Variants in CAPN10 observed in about 807,000 individuals in gnomAD.
The protein encoded by CAPN10 is calpain 10, also known as calpain-10.
CAPN10 carries 71 observed loss-of-function variants against 78.4 expected under a neutral mutation model. The ratio of observed to expected loss-of-function variants is 0.91; its 90% confidence interval spans 0.75 to 1.10. CAPN10 has a LOEUF of 1.10. Among genes scored for constraint, CAPN10 ranks in the 50% least tolerant of loss-of-function variants. CAPN10 has a pLI of 0.00. For missense variants in CAPN10, 849 were observed against 924.6 expected, an observed-to-expected ratio of 0.92 and a Z score of 1.06; for synonymous variants, 437 against 407.2, an observed-to-expected ratio of 1.07 and a Z score of -0.88.
At chr2:240,595,991 T>G in intron 7 of CAPN10, 1 of 1,407,642 alleles carries the variant, frequency 7.1e-7, no homozygotes, top group Non-Finnish European at 9.5e-7. Flanking sequence ...GCCCACATGA[T>G]GTTCCTTTCC....
Position 240,592,045 on chromosome 2 carries a change from G to A in CAPN10, c.583G>A (p.Gly195Ser), listed in dbSNP as rs1193315741. Residue 195 changes from glycine (G) to serine (S), a missense_variant, in exon 4 of 12, where the codon GGC becomes AGC. By Grantham distance (56) the Gly-to-Ser change is moderately conservative. Transcript: ENST00000391984. ...WNLKGVAGSGGQQDRPGRWEH... is the reference protein window; with the variant it reads ...WNLKGVAGSGSQQDRPGRWEH... Reference sequence around the variant, plus strand: ...CCTGAAGGGCGTAGCAGGAAGCGGAGGCCAGCAGGACAGGCCAGGCCGCTG... The same window carrying A: ...CCTGAAGGGCGTAGCAGGAAGCGGAAGCCAGCAGGACAGGCCAGGCCGCTG... 1 of 1,612,332 alleles carries A rather than the reference G, an allele frequency of 6.2e-7. No homozygotes were observed.
Position 240,589,478 on chromosome 2 carries a change from CG to C in CAPN10, c.273+8del, listed in dbSNP as rs750375555. The C allele has an allele frequency of 1.2e-6, 2 of 1,609,506 alleles. No individual in the cohort carries two copies. Among genetic ancestry groups the C allele is most frequent in the African/African-American group, 2.7e-5 (2 of 74,752 alleles). On this transcript the variant is annotated splice_donor_5th_base_variant and intron_variant, in intron 2 of 11. Coordinates refer to ENST00000391984, the MANE Select transcript of CAPN10 (RefSeq NM_023083.4). ...GAGCAGGCACCTCCTGGACCAGGTGCGGGGCCCCTTCCCTGTGTTTGTCCTG... is the reference window on the plus strand; with the variant it reads ...GAGCAGGCACCTCCTGGACCAGGTGCGGGCCCCTTCCCTGTGTTTGTCCTG...
Position 240,598,739 on chromosome 2 carries a change from A to T in CAPN10, c.*59A>T. ...GAGCCCGAGGGCCTGACAGGTTCCC[A>T]GCAGCTGGGCCGGCCAGCCTTGCAC... On this transcript the variant is annotated 3_prime_UTR_variant, in exon 12 of 12. Transcript: ENST00000391984. 1 of 1,498,428 alleles carries T rather than the reference A, an allele frequency of 6.7e-7. No individual in the cohort carries two copies. The highest frequency in any genetic ancestry group is 9.1e-7 in the Non-Finnish European group (1 of 1,097,970). The allele number at this position is 1,498,428 out of a possible 1,614,324, so 92.8% of individuals were successfully genotyped here.
chr2:240,588,123 T>C (rs1398631495), intron 1 of CAPN10, among the ~76,000 whole-genome samples: 1 of 152,138 alleles, frequency 6.6e-6, no homozygotes, highest in African/African-American at 2.4e-5. Context: ...TCTGGGTTTC[T>C]GGCCTGAACA....
Position 240,589,489 on chromosome 2 carries a change from C to A in CAPN10, c.273+15C>A. On this transcript the variant is annotated intron_variant, in intron 2 of 11. Coordinates refer to ENST00000391984, the MANE Select transcript of CAPN10 (RefSeq NM_023083.4). The stretch of plus-strand genomic sequence containing the variant: ...TCCTGGACCAGGTGCGGGGCCCCTT[C>A]CCTGTGTTTGTCCTGGAGCCGGTTT... 6.2e-7 allele frequency: 1 copy of A among 1,603,716 alleles called. No individual in the cohort carries two copies. Among genetic ancestry groups the A allele is most frequent in the Non-Finnish European group, 8.5e-7 (1 of 1,175,764 alleles).
At position 240,595,274 on chromosome 2, in the gene CAPN10, C is replaced by G. The variant is rs2093129769; in HGVS notation, c.1248C>G (p.His416Gln). ...SWSPASIPGK[H>Q]YQAVGLHLWK... ...GCCCAGCGAGCATCCCGGGCAAGCA[C>G]TACCAGGCTGTGGGTCTGCACCTCT... The change falls in exon 7 of 12, where the codon CAC (histidine) becomes CAG (glutamine). Residue 416 changes from histidine to glutamine, a missense_variant. Coordinates refer to ENST00000391984, the MANE Select transcript of CAPN10 (RefSeq NM_023083.4). 1 of 1,613,566 alleles carries G rather than the reference C, an allele frequency of 6.2e-7. No individual in the cohort carries two copies. Among genetic ancestry groups the G allele is most frequent in the African/African-American group, 1.3e-5 (1 of 75,062 alleles).
rs139668112 is a variant in CAPN10 at position 240,591,997 on chromosome 2, G to A, written c.535G>A (p.Gly179Ser). 8.7e-5 allele frequency: 141 copies of A among 1,613,348 alleles called. 1 individual carries two copies. The highest frequency in any genetic ancestry group is 3.5e-4 in the Admixed American group (21 of 60,018). ...GGCGGATGCCCTGGTGGACCTGACC[G>A]GCGGCCTGGCAGAAAGATGGAACCT... The part of the protein sequence containing the change: ...QVADALVDLT[G>S]GLAERWNLKG... Residue 179 changes from glycine (G) to serine (S), a missense_variant, in exon 4 of 12, where the codon GGC becomes AGC. Coordinates refer to ENST00000391984, the MANE Select transcript of CAPN10 (RefSeq NM_023083.4).
rs2975766 is a variant in CAPN10 at position 240,598,657 on chromosome 2, A to G, written c.1996A>G (p.Ile666Val). 0.97 allele frequency: 1,536,076 copies of G among 1,579,140 alleles called. 747,191 individuals carry two copies. Among genetic ancestry groups the G allele is most frequent in the East Asian group, 1 (43,708 of 43,712 alleles). ...CCCCCATCTGTCTTTGCAGGTCTCC[A>G]TCATGGCAGTGATGAAAACCTAACA... ...MLGQFLQEVS[I>V]MAVMKT The change falls in exon 12 of 12, where the codon ATC becomes GTC. Residue 666 changes from isoleucine (I) to valine (V), a missense_variant. Coordinates refer to ENST00000391984, the MANE Select transcript of CAPN10 (RefSeq NM_023083.4).
Position 240,596,807 on chromosome 2 carries a change from C to T in CAPN10, c.1608C>T (p.Ala536=), listed in dbSNP as rs1393127691. ...CGGCGGGGGGCAGCAGGAACTTTGC[C>T]TCATACCCCACCAACCCCTGCTTCC... ...GQTAGGSRNF[A]SYPTNPCFPF... Residue 536 remains alanine (A), a synonymous_variant, in exon 9 of 12, where the codon GCC becomes GCT. Coordinates refer to ENST00000391984, the MANE Select transcript of CAPN10 (RefSeq NM_023083.4). 1 of 1,613,264 alleles carries T rather than the reference C, an allele frequency of 6.2e-7. No individual in the cohort carries two copies. Among genetic ancestry groups the T allele is most frequent in the Non-Finnish European group, 8.5e-7 (1 of 1,179,986 alleles).
chr2:240,594,952 C>A, intron 6 of CAPN10, 72 bp from the exon 7 acceptor site: 1 of 1,528,474 alleles, frequency 6.5e-7, no homozygotes. Context: ...TGCCAGGGTT[C>A]ATGAGGCCAC....
In CAPN10 at chr2:240,594,516, C is replaced by T. The variant is rs775882611; in HGVS notation, c.831-27C>T. 4 of 1,600,882 alleles carry T rather than the reference C, an allele frequency of 2.5e-6. No homozygotes were observed. In the South Asian group the frequency reaches 4.4e-5, roughly 18 times the overall value. On this transcript the variant is annotated intron_variant, in intron 5 of 11. Coordinates refer to ENST00000391984, the MANE Select transcript of CAPN10 (RefSeq NM_023083.4). ...TGACACTACCAGTTCTCGGGAGGGGCTTCTGCTGAGATGAGGTTTCTTCCA... is the reference window on the plus strand; with the variant it reads ...TGACACTACCAGTTCTCGGGAGGGGTTTCTGCTGAGATGAGGTTTCTTCCA...
At position 240,596,366 on chromosome 2, in the gene CAPN10, C is replaced by T. The variant is rs751715639; in HGVS notation, c.1326C>T (p.Pro442=). Residue 442 remains proline (P), a synonymous_variant, in exon 8 of 12, where the codon CCC becomes CCT. Coordinates refer to ENST00000391984, the MANE Select transcript of CAPN10 (RefSeq NM_023083.4). The part of the protein sequence containing the change: ...VNLPRVLSMP[P]VAGTACHAYD... ...TGCCTAGGGTCCTGTCCATGCCCCC[C>T]GTGGCTGGCACCGCGTGCCATGCAT... 2.3e-5 allele frequency: 37 copies of T among 1,612,766 alleles called. No individual in the cohort carries two copies. Among genetic ancestry groups the T allele is most frequent in the South Asian group, 7.7e-5 (7 of 91,064 alleles).
Position 240,586,959 on chromosome 2 carries a change from C to G in CAPN10, c.48C>G (p.Asp16Glu). 1 of 1,479,804 alleles carries G rather than the reference C, an allele frequency of 6.8e-7. No individual in the cohort carries two copies. The highest frequency in any genetic ancestry group is 9.0e-7 in the Non-Finnish European group (1 of 1,115,600). 91.7% of individuals were successfully genotyped at this position (1,479,804 alleles called of 1,614,324 possible). ...GATPARELFR[D>E]AAFPAADSSL... Reference sequence around the variant, plus strand: ...CGCCGGCGAGGGAGCTGTTCCGGGACGCCGCCTTCCCCGCCGCGGACTCCT... The same window carrying G: ...CGCCGGCGAGGGAGCTGTTCCGGGAGGCCGCCTTCCCCGCCGCGGACTCCT... The change falls in exon 1 of 12, where the codon GAC (aspartate) becomes GAG (glutamate). Residue 16 changes from aspartate to glutamate, a missense_variant. Physicochemically the swap from Asp to Glu is conservative, Grantham distance 45. Transcript: ENST00000391984.
intron 1 of CAPN10, among the ~76,000 whole-genome samples, chr2:240,588,286 G>C (rs1214829346): frequency 5.3e-5 from 8 of 152,084 alleles, no homozygotes; most frequent in African/African-American, 1.9e-4. Flanking sequence ...GCATTCTTCT[G>C]GGAGGCGGAG....
chr2:240,587,375 T>G (rs949981426), intron 1 of CAPN10, among the ~76,000 whole-genome samples: 2 of 152,342 alleles, frequency 1.3e-5, no homozygotes, highest in East Asian at 1.9e-4. Context: ...GCTTTCGCCC[T>G]GAAGAGCGTT....
intron 4 of CAPN10, 42 bp downstream of exon 4, chr2:240,592,192 C>G: frequency 6.7e-7 from 1 of 1,490,766 alleles, no homozygotes; most frequent in Non-Finnish European, 9.1e-7. Flanking sequence ...AGCCAGCGTG[C>G]CCCCCACTGC....
Position 240,593,906 on chromosome 2 carries a change from G to C in CAPN10, c.689G>C (p.Gly230Ala). Residue 230 changes from glycine (G) to alanine (A), a missense_variant and splice_region_variant, in exon 5 of 12, where the codon GGT (glycine) becomes GCT (alanine). By Grantham distance (60) the Gly-to-Ala change is moderately conservative. Coordinates refer to ENST00000391984, the MANE Select transcript of CAPN10 (RefSeq NM_023083.4). The stretch of plus-strand genomic sequence containing the variant: ...TGTGCCTGCGCCATTCCTCATGCAG[G>C]TGCCCGGGAGCTGGGGGAGTTCCAT... ...ISCCVLSPRA[G>A]ARELGEFHAF... is the part of the protein sequence containing the mutation. 1 of 1,592,950 alleles carries C rather than the reference G, an allele frequency of 6.3e-7. No homozygotes were observed. The highest frequency in any genetic ancestry group is 8.6e-7 in the Non-Finnish European group (1 of 1,165,338).
At position 240,589,475 on chromosome 2, in the gene CAPN10, G is replaced by A. The variant is rs759781981; in HGVS notation, c.273+1G>A. On this transcript the variant is annotated splice_donor_variant, in intron 2 of 11. Coordinates refer to ENST00000391984, the MANE Select transcript of CAPN10 (RefSeq NM_023083.4). LOFTEE classifies it high-confidence loss of function. Reference sequence around the variant, plus strand: ...GAAGAGCAGGCACCTCCTGGACCAGGTGCGGGGCCCCTTCCCTGTGTTTGT... The same window carrying A: ...GAAGAGCAGGCACCTCCTGGACCAGATGCGGGGCCCCTTCCCTGTGTTTGT... 1.9e-6 allele frequency: 3 copies of A among 1,610,438 alleles called. No individual in the cohort carries two copies. Among genetic ancestry groups the A allele is most frequent in the Non-Finnish European group, 1.7e-6 (2 of 1,178,580 alleles).
At position 240,589,558 on chromosome 2, in the gene CAPN10, G is replaced by A. The variant is rs939291631; in HGVS notation, c.273+84G>A. ...CCTGCTGAGTACCAGGAGGCCTTGC[G>A]AAAGCAGAGCTGTGCCGCAGCCGGA... On this transcript the variant is annotated intron_variant, in intron 2 of 11. Transcript: ENST00000391984. 6.7e-6 allele frequency: 10 copies of A among 1,492,572 alleles called. No homozygotes were observed. The Admixed American group carries it at 8.3e-5, about 12-fold the overall frequency. 92.5% of individuals were successfully genotyped at this position (1,492,572 alleles called of 1,614,324 possible). A position where few individuals can be genotyped will look rare whatever the true frequency, so the allele number is the denominator to read the frequency against.
Sources: allele counts gnomAD v4.1 joint callset (sites outside exome capture counted in the v4.1 genomes callset), GRCh38; gene constraint gnomAD v4.1.1; transcripts MANE v1.5; gene names NCBI Gene and HGNC (gene_info 2026-07-23, HGNC 2026-07-21).